Variants in TMEM236 observed in about 807,000 individuals in gnomAD.
TMEM236 encodes transmembrane protein 236.
In TMEM236, 11 loss-of-function variants were observed where a neutral mutation model predicts 14.7. The ratio of observed to expected loss-of-function variants is 0.75; its 90% confidence interval spans 0.47 to 1.24. TMEM236 has a LOEUF of 1.24. TMEM236 is among the 50% of genes most tolerant of loss of function. The probability of loss-of-function intolerance (pLI) is 0.00; values close to 1 mark genes in which losing one functional copy is unlikely to be tolerated. For synonymous variants in TMEM236, 182 were observed against 168.6 expected (o/e 1.08, Z -0.62); for missense variants, 464 against 427.3 (o/e 1.09, Z -0.76).
chr10:17,782,365 A>AT (rs1837765771), intron 3 of TMEM236, among the ~76,000 whole-genome samples: 2 of 152,110 alleles, frequency 1.3e-5, no homozygotes, highest in African/African-American at 4.8e-5. Context: ...CTTGATGTAC[A>AT]TTCATGTGTT....
chr10:17,755,780 C>T (rs1451862365), intron 1 of TMEM236, among the ~76,000 whole-genome samples: 2 of 152,134 alleles, frequency 1.3e-5, no homozygotes, highest in African/African-American at 4.8e-5. Context: ...CAGGAAGAAG[C>T]TCTTGGGTTT....
At chr10:17,795,027 C>CA (rs1169016859) in intron 3 of TMEM236, among the ~76,000 whole-genome samples, 2 of 151,926 alleles carry the variant, frequency 1.3e-5, no homozygotes, top group African/African-American at 2.4e-5. Context: ...GACTCTGTCA[C>CA]AAAAAAACAA....
intron 1 of TMEM236, 56 bp from the exon 2 acceptor site, chr10:17,771,253 G>C (rs1393784307): frequency 1.3e-6 from 2 of 1,523,088 alleles, no homozygotes; most frequent in Middle Eastern, 1.7e-4. Flanking sequence ...CAAAATGTAA[G>C]AGGAACTGTC....
At chr10:17,754,518 G>A (rs1837254988) in intron 1 of TMEM236, among the ~76,000 whole-genome samples, 1 of 151,988 alleles carries the variant, frequency 6.6e-6, no homozygotes, top group Admixed American at 6.6e-5. Flanking sequence ...ATAAAGATGA[G>A]GTTTTGCCAC....
At chr10:17,762,573 T>TCATATATATATA (rs1837383279) in intron 1 of TMEM236, among the ~76,000 whole-genome samples, 1 of 77,108 alleles carries the variant, frequency 1.3e-5, no homozygotes, top group Non-Finnish European at 2.6e-5. Flanking sequence ...TATCTGAATT[T>TCATATATATATA]CATATATATA....
Position 17,796,294 on chromosome 10 carries a change from C to T in TMEM236, c.846C>T (p.Phe282=), listed in dbSNP as rs1241624878. 8 of 1,613,968 alleles carry T rather than the reference C, an allele frequency of 5.0e-6. No homozygotes were observed. The highest frequency in any genetic ancestry group is 6.8e-6 in the Non-Finnish European group (8 of 1,179,870). The change falls in exon 4 of 4, where the codon TTC becomes TTT. Residue 282 remains phenylalanine, a synonymous_variant. Coordinates refer to ENST00000377495, the MANE Select transcript of TMEM236 (RefSeq NM_001098844.3). ...FSFISLLRIT[F]TPQNPLLNSL... is the part of the protein sequence containing the mutation. The stretch of plus-strand genomic sequence containing the variant: ...TTATTTCTCTCCTTCGAATTACATT[C>T]ACTCCCCAAAACCCTCTTCTCAATT...
intron 2 of TMEM236, among the ~76,000 whole-genome samples, chr10:17,773,951 T>G (rs907739624): frequency 2.6e-5 from 4 of 152,240 alleles, no homozygotes; most frequent in Non-Finnish European, 5.9e-5. Context: ...TGGATAGTGC[T>G]TGGGTCACTC....
intron 3 of TMEM236, among the ~76,000 whole-genome samples, chr10:17,786,582 G>C (rs1289964393): frequency 1.3e-5 from 2 of 152,190 alleles, no homozygotes; most frequent in Non-Finnish European, 2.9e-5. Flanking sequence ...GTCCTATCTA[G>C]AAGAACACCG....
At chr10:17,790,987 A>G (rs1451658058) in intron 3 of TMEM236, among the ~76,000 whole-genome samples, 3 of 152,120 alleles carry the variant, frequency 2.0e-5, no homozygotes, top group African/African-American at 7.2e-5. Context: ...AAAATCCAAA[A>G]CTTTTATCCT....
intron 1 of TMEM236, among the ~76,000 whole-genome samples, chr10:17,767,617 A>G (rs1296067893): frequency 6.6e-6 from 1 of 152,132 alleles, no homozygotes; most frequent in East Asian, 1.9e-4. Context: ...TATGTGTTGG[A>G]CATTCTCTAG....
intron 1 of TMEM236, among the ~76,000 whole-genome samples, chr10:17,763,814 G>C (rs1043253480): frequency 6.6e-6 from 1 of 152,150 alleles, no homozygotes; most frequent in Non-Finnish European, 1.5e-5. Context: ...GGTTAGGGGC[G>C]TGAGTTTTGG....
chr10:17,768,086 G>GTTTTTTTTTTTTTTTTTTTTTTTTTTTT lies in TMEM236; in HGVS notation c.258-3201_258-3200insTTTTTTTTTTTTTTTTTTTTTTTTTTTT, dbSNP rs879036347. Among the ~76,000 whole-genome samples, 5 of 92,020 alleles carry GTTTTTTTTTTTTTTTTTTTTTTTTTTTT rather than the reference G, an allele frequency of 5.4e-5. 1 individual carries two copies. The highest frequency in any genetic ancestry group is 6.5e-5 in the Non-Finnish European group (3 of 46,482). 60.4% of individuals were successfully genotyped at this position (92,020 alleles called of 152,430 possible). A position where few individuals can be genotyped will look rare whatever the true frequency, so the allele number is the denominator to read the frequency against. ...CCACCACACCTCGCTAATTTTTGTGGTTTTTTTTTTTTTTTTTTTTTTGTA... is the reference window on the plus strand; with the variant it reads ...CCACCACACCTCGCTAATTTTTGTGGTTTTTTTTTTTTTTTTTTTTTTTTTTTTTTTTTTTTTTTTTTTTTTTTTTGTA... On this transcript the variant is annotated intron_variant, in intron 1 of 3. Coordinates refer to ENST00000377495, the MANE Select transcript of TMEM236 (RefSeq NM_001098844.3).
chr10:17,795,687 A>G (rs1837999918), intron 3 of TMEM236, among the ~76,000 whole-genome samples: 17 of 152,198 alleles, frequency 1.1e-4, no homozygotes. Context: ...CTTAATATCT[A>G]GGTGATGGGT....
chr10:17,778,710 A>G (rs1380272340), intron 3 of TMEM236, among the ~76,000 whole-genome samples: 2 of 152,214 alleles, frequency 1.3e-5, no homozygotes, highest in African/African-American at 4.8e-5. Flanking sequence ...GCTAGATGAA[A>G]CCAACATAAT....
chr10:17,794,855 T>C (rs1310341347), intron 3 of TMEM236, among the ~76,000 whole-genome samples: 2 of 152,004 alleles, frequency 1.3e-5, no homozygotes, highest in Non-Finnish European at 2.9e-5. Context: ...CTGGCCAACA[T>C]GGAAACCCCG....
intron 1 of TMEM236, among the ~76,000 whole-genome samples, chr10:17,764,190 C>G (rs1004242213): frequency 3.1e-4 from 47 of 152,200 alleles, no homozygotes; most frequent in Admixed American, 8.5e-4. Flanking sequence ...TTTCCACCCA[C>G]CATGCTTCCT....
chr10:17,796,405 G>A lies in TMEM236; in HGVS notation c.957G>A (p.Leu319=), dbSNP rs2130540936. The A allele has an allele frequency of 1.2e-6, 2 of 1,613,740 alleles. No homozygotes were observed. Among genetic ancestry groups the A allele is most frequent in the East Asian group, 4.5e-5 (2 of 44,862 alleles). The change falls in exon 4 of 4, where the codon CTG becomes CTA. Residue 319 remains leucine (L), a synonymous_variant. Coordinates refer to ENST00000377495, the MANE Select transcript of TMEM236 (RefSeq NM_001098844.3). The part of the protein sequence containing the change: ...IIALGTITPV[L]GLCKNILVTL... ...CCCTGGGGACTATCACACCCGTACT[G>A]GGCCTGTGTAAAAATATCCTCGTGA...
At chr10:17,776,688 A>AT (rs1308976683) in intron 3 of TMEM236, among the ~76,000 whole-genome samples, 9 of 152,158 alleles carry the variant, frequency 5.9e-5, no homozygotes, top group Non-Finnish European at 1.2e-4. Context: ...TAATCCCAGC[A>AT]TTTTTGGAGG....
intron 1 of TMEM236, among the ~76,000 whole-genome samples, chr10:17,757,163 A>G (rs1447125373): frequency 6.6e-6 from 1 of 152,168 alleles, no homozygotes; most frequent in African/African-American, 2.4e-5. Flanking sequence ...GCAGCCACTG[A>G]GCACTGTTCT....
Sources: allele counts gnomAD v4.1 joint callset (sites outside exome capture counted in the v4.1 genomes callset), GRCh38; gene constraint gnomAD v4.1.1; transcripts MANE v1.5; gene names NCBI Gene and HGNC (gene_info 2026-07-23, HGNC 2026-07-21).